Variants in CERS6 observed in about 807,000 individuals in gnomAD.
CERS6 encodes the protein LAG1 homolog, ceramide synthase 6.
A neutral mutation model predicts 56.8 loss-of-function variants in CERS6; 26 were observed. The ratio of observed to expected loss-of-function variants is 0.46; its 90% confidence interval spans 0.34 to 0.63. The LOEUF is 0.63. Ranked by LOEUF, CERS6 falls within the 30% of genes least tolerant of loss-of-function variation. The pLI is 0.01. For synonymous variants in CERS6, 164 were observed against 173.3 expected (o/e 0.95, Z 0.42); for missense variants, 415 against 467.5 (o/e 0.89, Z 1.04).
At chr2:168,644,256 T>C in intron 4 of CERS6, 1 of 966,474 alleles carries the variant, frequency 1.0e-6, no homozygotes, top group Non-Finnish European at 1.2e-6. Context: ...AGCATGTGAC[T>C]GAGGATGAAG....
chr2:168,657,020 G>A (rs2105323609), intron 4 of CERS6, among the ~76,000 whole-genome samples: 1 of 152,294 alleles, frequency 6.6e-6, no homozygotes, highest in South Asian at 2.1e-4. Context: ...ACAGGGTGCT[G>A]ATTGGTGTGT....
chr2:168,660,169 T>C (rs1418573630), intron 4 of CERS6, among the ~76,000 whole-genome samples: 2 of 152,220 alleles, frequency 1.3e-5, no homozygotes, highest in Admixed American at 6.5e-5. Context: ...GCGGCCTGTA[T>C]GTAGGGGCTC....
chr2:168,757,100 AAC>A (rs1166732819), intron 8 of CERS6, among the ~76,000 whole-genome samples: 3 of 152,192 alleles, frequency 2.0e-5, no homozygotes, highest in African/African-American at 4.8e-5. Context: ...CACAGTGCTT[AAC>A]ACGTAGTAAT....
chr2:168,686,178 T>C (rs1166845946), intron 4 of CERS6, among the ~76,000 whole-genome samples: 1 of 149,822 alleles, frequency 6.7e-6, no homozygotes, highest in Non-Finnish European at 1.5e-5. Flanking sequence ...GAGGGCACTC[T>C]TCCTAGTATG....
intron 1 of CERS6, among the ~76,000 whole-genome samples, chr2:168,510,495 C>T (rs773164487): frequency 3.9e-5 from 6 of 152,162 alleles, no homozygotes; most frequent in Admixed American, 2.0e-4. Context: ...ATAGCCTAGA[C>T]GTGTAGTGGA....
intron 3 of CERS6, among the ~76,000 whole-genome samples, chr2:168,569,428 C>G (rs1695941393): frequency 6.6e-6 from 1 of 152,186 alleles, no homozygotes. Flanking sequence ...GGAGGAAGAT[C>G]TGAAATCAGA....
chr2:168,501,974 C>G (rs1045835059), intron 1 of CERS6, among the ~76,000 whole-genome samples: 1 of 152,160 alleles, frequency 6.6e-6, no homozygotes, highest in African/African-American at 2.4e-5. Flanking sequence ...TTTCATACCA[C>G]TATGGGATGA....
At chr2:168,506,835 C>T (rs1694686910) in intron 1 of CERS6, among the ~76,000 whole-genome samples, 1 of 152,072 alleles carries the variant, frequency 6.6e-6, no homozygotes, top group African/African-American at 2.4e-5. Context: ...AAAAATTTGG[C>T]CAGTTTTCAT....
intron 2 of CERS6, among the ~76,000 whole-genome samples, chr2:168,551,465 AC>A (rs1424466222): frequency 6.6e-6 from 1 of 152,164 alleles, no homozygotes; most frequent in Non-Finnish European, 1.5e-5. Flanking sequence ...GAGTTTCTTA[AC>A]GTCCCTAGGC....
rs1327414841 is a variant in CERS6 at position 168,759,451 on chromosome 2, C to G, written c.846-6141C>G. Among the ~76,000 whole-genome samples the G allele has an allele frequency of 5.3e-5, 8 of 152,112 alleles. No homozygotes were observed. In the East Asian group the frequency reaches 1.5e-3, roughly 29 times the overall value. On this transcript the variant is annotated intron_variant, in intron 8 of 9. Coordinates refer to ENST00000305747, the MANE Select transcript of CERS6 (RefSeq NM_203463.3). ...TAACATGAATGAAAAGAAAAATGGT[C>G]TCAGGTCCCTTCTGCCTCTATACTC...
chr2:168,614,217 A>G (rs1684255879), intron 3 of CERS6, among the ~76,000 whole-genome samples: 1 of 152,240 alleles, frequency 6.6e-6, no homozygotes, highest in South Asian at 2.1e-4. Context: ...CTTGACATAC[A>G]TGGATTTAAC....
intron 3 of CERS6, among the ~76,000 whole-genome samples, chr2:168,579,501 G>A (rs1217820772): frequency 6.6e-6 from 1 of 152,098 alleles, no homozygotes; most frequent in African/African-American, 2.4e-5. Flanking sequence ...GCTCTAGTAA[G>A]AATGAACTGC....
Position 168,456,331 on chromosome 2 carries a change from G to GAGC in CERS6, c.-114_-112dup, listed in dbSNP as rs1214952783. ...CGGAGGAGGCGGCGGCGGCGGGCGG[G>GAGC]AGCAGCGGCGGCGGCGGCACAGGCT... On this transcript the variant is annotated 5_prime_UTR_variant, in exon 1 of 10. Transcript: ENST00000305747. This position sits in a 1 kb window ranked among gnomAD's most constrained non-coding sequence, Gnocchi z 4.1. The GAGC allele has an allele frequency of 3.6e-6, 2 of 556,814 alleles. No homozygotes were observed. Among genetic ancestry groups the GAGC allele is most frequent in the Non-Finnish European group, 5.0e-6 (2 of 402,746 alleles). 34.5% of individuals were successfully genotyped at this position (556,814 alleles called of 1,614,324 possible).
chr2:168,653,997 A>C (rs2105320280), intron 4 of CERS6, among the ~76,000 whole-genome samples: 1 of 152,268 alleles, frequency 6.6e-6, no homozygotes, highest in South Asian at 2.1e-4. Context: ...CTTCCTAATG[A>C]ATTTCAAAGT....
intron 3 of CERS6, among the ~76,000 whole-genome samples, chr2:168,572,541 ATAT>A (rs1217805681): frequency 1.3e-5 from 2 of 151,000 alleles, no homozygotes; most frequent in Non-Finnish European, 2.9e-5. Context: ...TATATATATA[ATAT>A]TATGTATTAT....
chr2:168,505,933 G>A (rs1694669524), intron 1 of CERS6, among the ~76,000 whole-genome samples: 1 of 152,198 alleles, frequency 6.6e-6, no homozygotes, highest in Non-Finnish European at 1.5e-5. Context: ...GCACTGTTGT[G>A]TCTTTTGCTC....
At chr2:168,725,173 G>A (rs1326796652) in intron 8 of CERS6, among the ~76,000 whole-genome samples, 1 of 152,234 alleles carries the variant, frequency 6.6e-6, no homozygotes, top group East Asian at 1.9e-4. Flanking sequence ...GGGCCGGCAG[G>A]GCCGGCCGGC....
intron 8 of CERS6, among the ~76,000 whole-genome samples, chr2:168,759,670 G>A (rs1351683805): frequency 6.6e-6 from 1 of 152,010 alleles, no homozygotes; most frequent in Non-Finnish European, 1.5e-5. Flanking sequence ...TACCTTTTAT[G>A]GGTTCTTTAT....
At chr2:168,566,833 A>G (rs1191239383) in intron 3 of CERS6, among the ~76,000 whole-genome samples, 1 of 151,332 alleles carries the variant, frequency 6.6e-6, no homozygotes, top group Non-Finnish European at 1.5e-5. Context: ...TTTGTAAACC[A>G]TTTCCATATA....
Sources: gnomAD v4.1 joint callset for allele counts (sites outside exome capture counted in the v4.1 genomes callset) on GRCh38, gnomAD v4.1.1 for gene constraint, Gnocchi (gnomAD v3.1) non-coding constraint, MANE v1.5 for transcripts, NCBI Gene and HGNC (gene_info 2026-07-23, HGNC 2026-07-21) for gene names.